TMEM181: variants seen among roughly 807,000 people sequenced by gnomAD.
TMEM181 encodes G protein-coupled receptor 178.
Under a neutral mutation model 71.9 loss-of-function variants are expected in TMEM181, and 39 were observed. The observed-to-expected ratio is 0.54, with a 90% CI of 0.42 to 0.71. The LOEUF (loss-of-function observed/expected upper bound fraction) is 0.71, where lower values mean the gene tolerates loss of function less well. Among genes scored for constraint, TMEM181 ranks in the 30% least tolerant of loss-of-function variants. The pLI is 0.00. For synonymous variants in TMEM181, 245 were observed against 228.8 expected (o/e 1.07, Z -0.64); for missense variants, 595 against 583.0 (o/e 1.02, Z -0.21).
At chr6:158,558,598 A>C (rs751925410), upstream of TMEM181, among the ~76,000 whole-genome samples, 1 of 152,212 alleles carries the variant, frequency 6.6e-6, no homozygotes, top group African/African-American at 2.4e-5. Flanking sequence ...CCAATGACAG[A>C]AGCTCACTGG....
intron 1 of TMEM181, among the ~76,000 whole-genome samples, chr6:158,562,076 G>A (rs1345686474): frequency 6.6e-6 from 1 of 151,982 alleles, no homozygotes; most frequent in Non-Finnish European, 1.5e-5. Flanking sequence ...GAGGAGCAGG[G>A]GCAGCTCCAC....
At chr6:158,555,651 T>G (rs1246585634), upstream of TMEM181, among the ~76,000 whole-genome samples, 10 of 152,250 alleles carry the variant, frequency 6.6e-5, no homozygotes, top group Admixed American at 2.0e-4. Flanking sequence ...CTTAAAAATG[T>G]GCGTGAAAAG....
chr6:158,602,491 G>A (rs148464274), intron 6 of TMEM181, among the ~76,000 whole-genome samples: 3 of 152,340 alleles, frequency 2.0e-5, no homozygotes, highest in East Asian at 1.9e-4. Context: ...CACCAGTAGC[G>A]TGTGAGGGTT....
In TMEM181 at chr6:158,632,086, G is replaced by A. The variant is rs1343432471; in HGVS notation, c.*198G>A. 3 of 568,526 alleles carry A rather than the reference G, an allele frequency of 5.3e-6. No individual in the cohort carries two copies. Among genetic ancestry groups the A allele is most frequent in the East Asian group, 2.9e-5 (1 of 34,792 alleles). 35.2% of individuals were successfully genotyped at this position (568,526 alleles called of 1,614,324 possible). ...CCAAATTTATTGTCATGGTGGCTAC[G>A]AGAAGAGGCATTGATAACAAGTTTC... On this transcript the variant is annotated 3_prime_UTR_variant, in exon 17 of 17. Coordinates refer to ENST00000684151, the MANE Select transcript of TMEM181 (RefSeq NM_001376852.1).
intron 10 of TMEM181, chr6:158,610,769 C>T (rs1414265246): frequency 1.3e-5 from 4 of 312,552 alleles, no homozygotes; most frequent in Admixed American, 3.9e-5. Context: ...GCCTGTGCTG[C>T]GTCATTGCTG....
At chr6:158,560,846 C>T (rs543792043) in intron 1 of TMEM181, among the ~76,000 whole-genome samples, 1 of 151,644 alleles carries the variant, frequency 6.6e-6, no homozygotes, top group African/African-American at 2.4e-5. Flanking sequence ...CTTTGAAGTC[C>T]AGGGTTTTTA....
At chr6:158,593,892 A>G (rs1450372835) in intron 6 of TMEM181, among the ~76,000 whole-genome samples, 1 of 152,050 alleles carries the variant, frequency 6.6e-6, no homozygotes. Flanking sequence ...GTTACAGTTA[A>G]TGAACCCACA....
At chr6:158,546,967 A>AAAAC (rs559587741) in intron 1 of TMEM181, among the ~76,000 whole-genome samples, 4 of 151,206 alleles carry the variant, frequency 2.6e-5, no homozygotes, top group East Asian at 1.9e-4. Context: ...CTCAAAAACA[A>AAAAC]AAACAAACAA....
intron 10 of TMEM181, among the ~76,000 whole-genome samples, chr6:158,622,420 G>A (rs980235462): frequency 6.6e-6 from 1 of 152,080 alleles, no homozygotes; most frequent in Non-Finnish European, 1.5e-5. Context: ...GGAGGGTCAC[G>A]CAGCCATGAC....
chr6:158,542,084 T>A (rs1422940473), intron 1 of TMEM181, among the ~76,000 whole-genome samples: 1 of 151,980 alleles, frequency 6.6e-6, no homozygotes, highest in Non-Finnish European at 1.5e-5. Flanking sequence ...TTTTGTTTTT[T>A]TTAGTAGAGA....
intron 7 of TMEM181, among the ~76,000 whole-genome samples, 178 bp downstream of exon 7, chr6:158,605,525 A>G (rs1384275780): frequency 6.6e-6 from 1 of 152,226 alleles, no homozygotes; most frequent in African/African-American, 2.4e-5. Context: ...CGTGCAAGAA[A>G]AAATGATGTG....
intron 7 of TMEM181, among the ~76,000 whole-genome samples, chr6:158,605,852 C>T (rs1373470681): frequency 8.5e-6 from 1 of 117,080 alleles, no homozygotes; most frequent in African/African-American, 3.8e-5. Flanking sequence ...AATGCTTACC[C>T]TGAGAAGCCC....
chr6:158,622,814 G>A (rs1010825347), intron 10 of TMEM181, among the ~76,000 whole-genome samples: 2 of 151,620 alleles, frequency 1.3e-5, no homozygotes, highest in Non-Finnish European at 2.9e-5. Context: ...CCTTTAGAGA[G>A]GGGAGACCTT....
Position 158,585,321 on chromosome 6 carries a change from A to C in TMEM181, c.277A>C (p.Ser93Arg), listed in dbSNP as rs1451922309. ...DQSKETSIKT[S>R]FPMTVKVDGV... ...TTTTGTAGAAACTTCTATTAAGACA[A>C]GCTTTCCCATGACTGTTAAAGTCGA... is the stretch of plus-strand genomic sequence containing the variant. Residue 93 changes from serine to arginine, a missense_variant, in exon 5 of 17, where the codon AGC becomes CGC. Coordinates refer to ENST00000684151, the MANE Select transcript of TMEM181 (RefSeq NM_001376852.1). The C allele has an allele frequency of 6.2e-7, 1 of 1,603,932 alleles. No individual in the cohort carries two copies. Among genetic ancestry groups the C allele is most frequent in the South Asian group, 1.1e-5 (1 of 89,026 alleles).
At chr6:158,622,023 C>T (rs891644786) in intron 10 of TMEM181, among the ~76,000 whole-genome samples, 15 of 152,168 alleles carry the variant, frequency 9.9e-5, no homozygotes, top group African/African-American at 3.1e-4. Context: ...AGGCTGCCTC[C>T]GGACAGCCCA....
intron 2 of TMEM181, among the ~76,000 whole-genome samples, chr6:158,575,826 T>G (rs368159698): frequency 2.3e-4 from 35 of 152,314 alleles, no homozygotes; most frequent in African/African-American, 7.7e-4. Context: ...TTCCTCCTTT[T>G]GAGTGGAGGA....
exon 1 of TMEM181, chr6:158,536,858 T>A: frequency 7.0e-7 from 1 of 1,422,134 alleles, no homozygotes; most frequent in Non-Finnish European, 9.3e-7. Context: ...GGATGACCGC[T>A]ACTACAGGTG....
chr6:158,580,415 A>G (rs1783407088), intron 2 of TMEM181, among the ~76,000 whole-genome samples: 1 of 152,204 alleles, frequency 6.6e-6, no homozygotes, highest in Non-Finnish European at 1.5e-5. Context: ...CACAGTAAAA[A>G]TTGGAAAAAA....
At chr6:158,576,343 C>T (rs765978302) in intron 2 of TMEM181, among the ~76,000 whole-genome samples, 4 of 152,184 alleles carry the variant, frequency 2.6e-5, no homozygotes, top group Non-Finnish European at 4.4e-5. Context: ...GTGCTCTGAT[C>T]ACTGATGCTG....
Sources: gnomAD v4.1 joint callset for allele counts (sites outside exome capture counted in the v4.1 genomes callset) on GRCh38, gnomAD v4.1.1 for gene constraint, MANE v1.5 for transcripts, NCBI Gene and HGNC (gene_info 2026-07-23, HGNC 2026-07-21) for gene names.